PAICS: variants seen among roughly 807,000 people sequenced by gnomAD.
PAICS encodes phosphoribosylaminoimidazole carboxylase and phosphoribosylaminoimidazolesuccinocarboxamide synthase.
A neutral mutation model predicts 53.7 loss-of-function variants in PAICS; 33 were observed. The ratio of observed to expected loss-of-function variants is 0.61; its 90% CI spans 0.47 to 0.82. The LOEUF (loss-of-function observed/expected upper bound fraction) is 0.82. PAICS is among the 40% of genes least tolerant of loss of function. The pLI is 0.00. For missense variants in PAICS, 394 were observed against 494.1 expected (o/e 0.80, Z 1.92); for synonymous variants, 141 against 167.2 (o/e 0.84, Z 1.21).
At chr4:56,459,308 G>A (rs1336025383) in intron 8 of PAICS, 64 bp from the exon 9 acceptor site, 1 of 1,189,676 alleles carries the variant, frequency 8.4e-7, no homozygotes, top group South Asian at 2.0e-5. Context: ...AAAATTTTTT[G>A]TAAGGTTGTA....
At chr4:56,421,845 A>G in the PAICS span, 1 of 152,294 alleles carries the variant, frequency 6.6e-6, no homozygotes, top group Admixed American at 6.5e-5. Flanking sequence ...TTATGTCAGA[A>G]GACTTAGTTA....
At chr4:56,429,902 C>T in the PAICS span, among the ~76,000 whole-genome samples, 17 of 152,046 alleles carry the variant, frequency 1.1e-4, no homozygotes, top group Non-Finnish European at 2.1e-4. Flanking sequence ...TGAGATTCAC[C>T]CATGACTTTA....
intron 1 of PAICS, among the ~76,000 whole-genome samples, chr4:56,439,770 A>T (rs553072440): frequency 6.6e-6 from 1 of 152,104 alleles, no homozygotes; most frequent in South Asian, 2.1e-4. Context: ...GACTACAGGC[A>T]TGCACCACCA....
the PAICS span, chr4:56,419,637 C>A: frequency 4.1e-6 from 4 of 980,008 alleles, no homozygotes; most frequent in South Asian, 1.4e-4. Flanking sequence ...AGTATTGGAA[C>A]CCTCTAATAA....
intron 1 of PAICS, among the ~76,000 whole-genome samples, chr4:56,440,841 A>C (rs1483508852): frequency 6.6e-6 from 1 of 152,166 alleles, no homozygotes; most frequent in Non-Finnish European, 1.5e-5. Flanking sequence ...GTTGATACTG[A>C]GAGTGTTGTG....
chr4:56,459,893 A>AT lies in PAICS; in HGVS notation c.*372dup, dbSNP rs878904282. 4,856 of 140,202 alleles carry AT rather than the reference A, an allele frequency of 0.035. 92 individuals are homozygous for AT. The highest frequency in any genetic ancestry group is 0.11 in the Middle Eastern group (30 of 268). The allele number at this position is 140,202 out of a possible 1,614,324, so 8.7% of individuals were successfully genotyped here. A position where few individuals can be genotyped will look rare whatever the true frequency, so the allele number is the denominator to read the frequency against. On this transcript the variant is annotated 3_prime_UTR_variant, in exon 9 of 9. Transcript: ENST00000512576. ...CCCAGCTATATTTCTCCAGACTTGC[A>AT]TTTTTTTTTTTTTTTTTGAGACAGG...
chr4:56,423,832 C>T, the PAICS span, among the ~76,000 whole-genome samples: 1 of 151,888 alleles, frequency 6.6e-6, no homozygotes, highest in South Asian at 2.1e-4. Flanking sequence ...CAGCTAAATA[C>T]GTAAGAAAAA....
At chr4:56,450,083 A>C (rs887759161) in intron 5 of PAICS, among the ~76,000 whole-genome samples, 6 of 152,092 alleles carry the variant, frequency 3.9e-5, no homozygotes, top group African/African-American at 1.2e-4. Flanking sequence ...GGAAAACCAA[A>C]CACCACATGT....
At chr4:56,454,033 T>G (rs1252948207) in intron 8 of PAICS, among the ~76,000 whole-genome samples, 1 of 152,212 alleles carries the variant, frequency 6.6e-6, no homozygotes, top group Non-Finnish European at 1.5e-5. Flanking sequence ...GAGCCCACTA[T>G]CTGATGCATT....
chr4:56,411,826 T>C, the PAICS span, among the ~76,000 whole-genome samples: 1 of 152,166 alleles, frequency 6.6e-6, no homozygotes. Context: ...TGAATGGGGT[T>C]AAGAGGACAA....
chr4:56,453,587 C>CT lies in PAICS; in HGVS notation c.953-14dup. On this transcript the variant is annotated splice_polypyrimidine_tract_variant and intron_variant, in intron 7 of 8. Transcript: ENST00000512576. The stretch of plus-strand genomic sequence containing the variant: ...TTTGAATGTTTAGCATAATTATACT[C>CT]TTGTCATTTCCCTAGGGGATGGCAT... 6.4e-7 allele frequency: 1 copy of CT among 1,551,172 alleles called. No individual in the cohort carries two copies. The highest frequency in any genetic ancestry group is 1.4e-5 in the African/African-American group (1 of 73,460).
At chr4:56,433,802 C>G (rs1451319566), upstream of PAICS, among the ~76,000 whole-genome samples, 1 of 151,798 alleles carries the variant, frequency 6.6e-6, no homozygotes, top group Non-Finnish European at 1.5e-5. Context: ...TCAAGCGATT[C>G]TCCTGCCTCA....
the PAICS span, among the ~76,000 whole-genome samples, chr4:56,418,530 G>A: frequency 6.6e-6 from 1 of 151,816 alleles, no homozygotes; most frequent in Non-Finnish European, 1.5e-5. Context: ...CTGTTGGGAG[G>A]CTGGTCTCCA....
intron 3 of PAICS, among the ~76,000 whole-genome samples, chr4:56,447,942 G>T (rs2110088865): frequency 6.6e-6 from 1 of 151,572 alleles, no homozygotes; most frequent in Admixed American, 6.6e-5. Flanking sequence ...CGATCCTCCT[G>T]CTTCAGCCTC....
chr4:56,435,272 T>A (rs1717841713), upstream of PAICS: 34 of 1,592,498 alleles, frequency 2.1e-5, no homozygotes, highest in South Asian at 3.6e-4. Flanking sequence ...CCTCGGGCGC[T>A]CATGAGAACG....
At position 56,436,294 on chromosome 4, in the gene PAICS, CCTCAG is replaced by C. The variant is rs1560654834; in HGVS notation, c.-17_-13del. 1.3e-6 allele frequency: 2 copies of C among 1,599,560 alleles called. No homozygotes were observed. Among genetic ancestry groups the C allele is most frequent in the African/African-American group, 2.7e-5 (2 of 74,460 alleles). On this transcript the variant is annotated 5_prime_UTR_variant, in exon 1 of 9. Transcript: ENST00000512576. ...CCTCGCTTCCCGGCGCGGTCGCAGC[CCTCAG>C]CCCACTTAGGATAATGGCGACAGCT...
At chr4:56,422,489 G>A in the PAICS span, 6 of 52,664 alleles carry the variant, frequency 1.1e-4, no homozygotes, top group Admixed American at 4.1e-4. Flanking sequence ...GTACGTGTGT[G>A]TGTGTGTGTG....
At chr4:56,454,570 T>C (rs890825016) in intron 8 of PAICS, among the ~76,000 whole-genome samples, 5 of 152,212 alleles carry the variant, frequency 3.3e-5, no homozygotes, top group African/African-American at 1.2e-4. Context: ...ACAGTCCTTA[T>C]ATTGCATTTA....
At chr4:56,459,322 T>A (rs1258320424) in intron 8 of PAICS, 50 bp from the exon 9 acceptor site, 1 of 1,385,102 alleles carries the variant, frequency 7.2e-7, no homozygotes, top group East Asian at 2.4e-5. Flanking sequence ...GGTTGTATTT[T>A]CATTACTAAT....
Sources: allele counts gnomAD v4.1 joint callset (sites outside exome capture counted in the v4.1 genomes callset), GRCh38; gene constraint gnomAD v4.1.1; transcripts MANE v1.5; gene names NCBI Gene and HGNC (gene_info 2026-07-23, HGNC 2026-07-21).